DMD: variants seen among roughly 807,000 people sequenced by gnomAD.
DMD encodes dystrophin, also known as mutant dystrophin.
A neutral mutation model predicts 330.1 loss-of-function variants in DMD; 63 were observed. The observed-to-expected ratio is 0.19, with a 90% CI of 0.16 to 0.24. The LOEUF (loss-of-function observed/expected upper bound fraction) is 0.24. Ranked by LOEUF, DMD falls within the 10% of genes least tolerant of loss-of-function variation. DMD has a pLI of 1.00. For missense variants in DMD, 3,344 were observed against 2,684.1 expected, an observed-to-expected ratio of 1.25 and a Z score of -5.43; for synonymous variants, 1,223 against 959.8, an observed-to-expected ratio of 1.27 and a Z score of -5.07.
chrX:32,732,555 G>T (rs1365819642), intron 7 of DMD, among the ~76,000 whole-genome samples: 1 of 111,642 alleles, frequency 9.0e-6, no homozygotes, highest in Non-Finnish European at 1.9e-5. Flanking sequence ...CACACTAACA[G>T]CGGATCTCTC....
chrX:32,580,716 T>TA (rs2053563607), intron 13 of DMD, among the ~76,000 whole-genome samples: 1 of 112,298 alleles, frequency 8.9e-6, no homozygotes, highest in Non-Finnish European at 1.9e-5. Context: ...CAATTAATGA[T>TA]AATTTTTTTT....
At chrX:32,567,660 G>C (rs889666317) in intron 15 of DMD, among the ~76,000 whole-genome samples, 7 of 112,663 alleles carry the variant, frequency 6.2e-5, no homozygotes, top group South Asian at 3.6e-4. Flanking sequence ...GCCTCCCAAA[G>C]TGCTGGGATT....
chrX:32,745,544 GT>G (rs1435712304), intron 7 of DMD, among the ~76,000 whole-genome samples: 1 of 112,390 alleles, frequency 8.9e-6, no homozygotes. Context: ...ACTGTAATGA[GT>G]TCAAAGTGTT....
chrX:31,212,194 GTGTGTGTT>G (rs1279958090), intron 64 of DMD, among the ~76,000 whole-genome samples: 10 of 106,471 alleles, frequency 9.4e-5, no homozygotes, highest in African/African-American at 3.4e-4. Context: ...GTGTGTGTGT[GTGTGTGTT>G]TGTGTGTATT....
At chrX:32,201,365 G>A (rs2097035709) in intron 44 of DMD, among the ~76,000 whole-genome samples, 1 of 109,640 alleles carries the variant, frequency 9.1e-6, no homozygotes, top group African/African-American at 3.3e-5. Flanking sequence ...GCAAAACTGT[G>A]GATATTTTGT....
chrX:32,531,759 TAAAAA>T lies in DMD; in HGVS notation c.2168+13395_2168+13399del, dbSNP rs201244113. On this transcript the variant is annotated intron_variant, in intron 17 of 78. Transcript: ENST00000357033. ...TTCCAAATAAACGAGAAACCCATCT[TAAAAA>T]AAAAATAAGGATAAGTCAATATAGA... 2.6e-3 allele frequency among the ~76,000 whole-genome samples: 279 copies of T among 107,226 alleles called. 1 individual carries two copies. The highest frequency in any genetic ancestry group is 8.4e-3 in the South Asian group (21 of 2,511). The allele number at this position is 107,226 out of a possible 115,157, so 93.1% of individuals were successfully genotyped here.
At chrX:32,362,455 T>C (rs985522111) in intron 37 of DMD, among the ~76,000 whole-genome samples, 7 of 111,785 alleles carry the variant, frequency 6.3e-5, no homozygotes, top group Admixed American at 1.9e-4. Context: ...TTTATTTTTT[T>C]GGCCTTCAGC....
At chrX:31,881,810 A>G (rs1203865511) in intron 47 of DMD, among the ~76,000 whole-genome samples, 1 of 111,734 alleles carries the variant, frequency 8.9e-6, no homozygotes, top group Non-Finnish European at 1.9e-5. Context: ...ATTATACAAC[A>G]ACAAAATCAC....
At chrX:32,889,284 AAC>A (rs1052278060) in intron 2 of DMD, among the ~76,000 whole-genome samples, 4 of 111,550 alleles carry the variant, frequency 3.6e-5, no homozygotes, top group Non-Finnish European at 7.5e-5. Flanking sequence ...GCCTCCAGCA[AAC>A]ACAGTGCTCA....
intron 12 of DMD, among the ~76,000 whole-genome samples, chrX:32,613,877 T>C (rs1252902686): frequency 9.0e-6 from 1 of 111,353 alleles, no homozygotes; most frequent in African/African-American, 3.3e-5. Flanking sequence ...TTAGGAAGAA[T>C]GTACCTTTAT....
chrX:33,211,372 T>C lies in DMD; in HGVS notation c.-60A>G. ...AACCTGGTAAAAGTTCTTCAAACTT[T>C]ATTGCTCCAGTAGGCTTAAAAACAA... On this transcript the variant is annotated 5_prime_UTR_variant, in exon 1 of 79. In the 5' UTR this introduces an upstream ATG that the reference lacks. Coordinates refer to ENST00000357033, the MANE Select transcript of DMD (RefSeq NM_004006.3). 1 of 1,194,545 alleles carries C rather than the reference T, an allele frequency of 8.4e-7. No individual in the cohort carries two copies. Among genetic ancestry groups the C allele is most frequent in the Non-Finnish European group, 1.1e-6 (1 of 885,107 alleles).
chrX:31,463,793 A>G (rs1394567552), intron 59 of DMD, among the ~76,000 whole-genome samples: 2 of 111,455 alleles, frequency 1.8e-5, no homozygotes, highest in Non-Finnish European at 3.8e-5. Context: ...TTGGTGCTAA[A>G]TAATAATATT....
At chrX:33,209,790 T>C (rs2051788196) in intron 1 of DMD, among the ~76,000 whole-genome samples, 1 of 110,950 alleles carries the variant, frequency 9.0e-6, no homozygotes, top group Non-Finnish European at 1.9e-5. Flanking sequence ...ATTCTAAGAA[T>C]TGAAAGTTAT....
chrX:32,348,640 T>C lies in DMD; in HGVS notation c.5326-112A>G, dbSNP rs1039607737. 22 of 678,918 alleles carry C rather than the reference T, an allele frequency of 3.2e-5. No individual in the cohort carries two copies. The Admixed American group carries it at 7.4e-4, about 23-fold the overall frequency. 56.0% of individuals were successfully genotyped at this position (678,918 alleles called of 1,213,427 possible). On this transcript the variant is annotated intron_variant, in intron 37 of 78. Transcript: ENST00000357033. ...GTTGCTAAACTAATCACATGCATTA[T>C]GTTTCCATATTATGTTTTATGAAGG...
chrX:32,595,844 G>C lies in DMD; in HGVS notation c.1515C>G (p.Val505=). Residue 505 remains valine, a synonymous_variant, in exon 13 of 79, where the codon GTC becomes GTG. Transcript: ENST00000357033. ...VLQEDLEQEQ[V]RVNSLTHMVV... Reference sequence around the variant, plus strand: ...CCATGTGAGTGAGAGAATTGACCCTGACTTGTTCTTGTTCTAGATCTTCTT... The same window carrying C: ...CCATGTGAGTGAGAGAATTGACCCTCACTTGTTCTTGTTCTAGATCTTCTT... 8.3e-7 allele frequency: 1 copy of C among 1,201,866 alleles called. No individual in the cohort carries two copies.
chrX:32,413,054 G>A (rs1159156323), intron 29 of DMD, among the ~76,000 whole-genome samples: 1 of 110,667 alleles, frequency 9.0e-6, no homozygotes, highest in African/African-American at 3.3e-5. Context: ...ACTTCTCCCT[G>A]TACCATAAAT....
intron 50 of DMD, 42 bp downstream of exon 50, chrX:31,819,933 C>CA: frequency 9.0e-7 from 1 of 1,110,166 alleles, no homozygotes; most frequent in Non-Finnish European, 1.2e-6. Flanking sequence ...CACTTTTGAA[C>CA]AAATAGCTAG....
At chrX:31,510,594 G>A (rs750319130) in intron 55 of DMD, among the ~76,000 whole-genome samples, 56 of 100,505 alleles carry the variant, frequency 5.6e-4, no homozygotes, top group Non-Finnish European at 4.3e-4. Flanking sequence ...TGCAAGCTCC[G>A]CCTCCCAGGT....
intron 41 of DMD, among the ~76,000 whole-genome samples, chrX:32,341,113 A>T (rs2097739684): frequency 8.9e-6 from 1 of 111,942 alleles, no homozygotes; most frequent in African/African-American, 3.2e-5. Context: ...ATCACAGAAG[A>T]AGTTCCCAAG....
Sources: gnomAD v4.1 joint callset for allele counts (sites outside exome capture counted in the v4.1 genomes callset) on GRCh38, gnomAD v4.1.1 for gene constraint, MANE v1.5 for transcripts, NCBI Gene and HGNC (gene_info 2026-07-23, HGNC 2026-07-21) for gene names.